Variants in TMEM132D observed in about 807,000 individuals in gnomAD.
TMEM132D encodes the protein mature OL transmembrane protein.
A neutral mutation model predicts 62.3 loss-of-function variants in TMEM132D; 21 were observed. That is an observed-to-expected ratio of 0.34 (90% confidence interval 0.24 to 0.49). TMEM132D has a LOEUF of 0.49. TMEM132D is among the 20% of genes least tolerant of loss of function. The pLI, the probability that TMEM132D is intolerant of heterozygous loss-of-function variation, is 0.99. For synonymous variants in TMEM132D, 621 were observed against 575.6 expected (o/e 1.08, Z -1.13); for missense variants, 1,346 against 1,402.8 (o/e 0.96, Z 0.65).
At chr12:129,623,704 C>CACATATAT (rs1565926894) in intron 2 of TMEM132D, among the ~76,000 whole-genome samples, 8 of 139,732 alleles carry the variant, frequency 5.7e-5, no homozygotes, top group African/African-American at 2.4e-4. Context: ...CATATATATA[C>CACATATAT]ATACATATGC....
chr12:129,627,368 T>A (rs1879249306), intron 2 of TMEM132D, among the ~76,000 whole-genome samples: 1 of 152,184 alleles, frequency 6.6e-6, no homozygotes, highest in African/African-American at 2.4e-5. Context: ...GATGCACAGG[T>A]TTGTAGCCTA....
chr12:129,090,885 G>A (rs2054814), intron 5 of TMEM132D, among the ~76,000 whole-genome samples: 144,745 of 152,090 alleles, frequency 0.95, 68,900 homozygotes, highest in Admixed American at 0.96. Flanking sequence ...TGTCTTTTTG[G>A]CCCCAGAGTT....
At chr12:129,318,920 C>A (rs1024369802) in intron 4 of TMEM132D, among the ~76,000 whole-genome samples, 6 of 152,246 alleles carry the variant, frequency 3.9e-5, no homozygotes, top group Non-Finnish European at 7.4e-5. Context: ...CTGGCAGTCA[C>A]AGGCCTCAGC....
intron 4 of TMEM132D, among the ~76,000 whole-genome samples, chr12:129,226,300 C>T (rs1466887507): frequency 6.6e-6 from 1 of 152,228 alleles, no homozygotes; most frequent in African/African-American, 2.4e-5. Context: ...AAATGCCTGG[C>T]CAGGATCACA....
chr12:129,708,563 A>G (rs908817344), intron 1 of TMEM132D, among the ~76,000 whole-genome samples: 1 of 144,252 alleles, frequency 6.9e-6, no homozygotes, highest in African/African-American at 2.6e-5. Context: ...CACAACCACA[A>G]ATGTCTCCAG....
chr12:129,876,255 G>A (rs555076446), intron 1 of TMEM132D, among the ~76,000 whole-genome samples: 4 of 152,086 alleles, frequency 2.6e-5, no homozygotes, highest in African/African-American at 9.7e-5. Flanking sequence ...ATCTAAACTC[G>A]GGTCTTAGCA....
chr12:129,541,782 G>A (rs1287204680), intron 2 of TMEM132D, among the ~76,000 whole-genome samples: 1 of 152,092 alleles, frequency 6.6e-6, no homozygotes, highest in East Asian at 1.9e-4. Flanking sequence ...AAGCCATGTC[G>A]AGTCCTTAAC....
intron 5 of TMEM132D, among the ~76,000 whole-genome samples, chr12:129,090,062 A>G (rs1874857914): frequency 6.6e-6 from 1 of 152,230 alleles, no homozygotes; most frequent in East Asian, 1.9e-4. Flanking sequence ...ACGATGAGGC[A>G]GTCAATGTAT....
chr12:129,552,370 T>G (rs1237352544), intron 2 of TMEM132D, among the ~76,000 whole-genome samples: 1 of 152,168 alleles, frequency 6.6e-6, no homozygotes, highest in African/African-American at 2.4e-5. Context: ...AACATCTATC[T>G]GTTTATATCC....
chr12:129,464,281 A>T (rs1386113124), intron 3 of TMEM132D, among the ~76,000 whole-genome samples: 1 of 152,120 alleles, frequency 6.6e-6, no homozygotes, highest in Non-Finnish European at 1.5e-5. Flanking sequence ...TTCTTTTGAG[A>T]AGTGTCTGTT....
At chr12:129,386,605 AACACCG>A (rs1211887193) in intron 3 of TMEM132D, among the ~76,000 whole-genome samples, 2 of 151,908 alleles carry the variant, frequency 1.3e-5, no homozygotes, top group African/African-American at 2.4e-5. Context: ...CACTAACACC[AACACCG>A]ACACCACCAA....
intron 5 of TMEM132D, among the ~76,000 whole-genome samples, chr12:129,106,751 G>A (rs1297365861): frequency 6.6e-6 from 1 of 152,162 alleles, no homozygotes; most frequent in African/African-American, 2.4e-5. Context: ...GAGTAGAAGC[G>A]ATGGGTGTCA....
intron 3 of TMEM132D, among the ~76,000 whole-genome samples, chr12:129,365,317 AAAG>A (rs1870370140): frequency 6.6e-6 from 1 of 152,132 alleles, no homozygotes; most frequent in African/African-American, 2.4e-5. Flanking sequence ...GCCTGAGATA[AAAG>A]AAGATGCAGT....
intron 3 of TMEM132D, among the ~76,000 whole-genome samples, chr12:129,521,069 G>A (rs1370435485): frequency 6.6e-6 from 1 of 152,302 alleles, no homozygotes; most frequent in African/African-American, 2.4e-5. Flanking sequence ...CACAGTCCCA[G>A]TTGATGTCTC....
chr12:129,427,486 A>G (rs990005227), intron 3 of TMEM132D, among the ~76,000 whole-genome samples: 2 of 152,092 alleles, frequency 1.3e-5, no homozygotes, highest in African/African-American at 2.4e-5. Context: ...CAGCACACCA[A>G]CTTGGCACAT....
chr12:129,154,280 G>C (rs1429966995), intron 5 of TMEM132D, among the ~76,000 whole-genome samples: 7 of 152,136 alleles, frequency 4.6e-5, no homozygotes, highest in African/African-American at 1.7e-4. Flanking sequence ...ACACAAGAGG[G>C]CTGTGCACTC....
chr12:129,701,499 G>A (rs1416260124), intron 1 of TMEM132D, among the ~76,000 whole-genome samples: 1 of 152,178 alleles, frequency 6.6e-6, no homozygotes, highest in Admixed American at 6.5e-5. Flanking sequence ...AGCACGGGAA[G>A]GGCAGCACCT....
chr12:129,180,024 T>C (rs1399720174), intron 5 of TMEM132D, among the ~76,000 whole-genome samples: 1 of 132,896 alleles, frequency 7.5e-6, no homozygotes, highest in Admixed American at 8.2e-5. Flanking sequence ...CAAGACTCCA[T>C]CTCAAAAAGA....
In TMEM132D at chr12:129,390,388, T is replaced by C. The variant is rs139228712; in HGVS notation, c.1116-52571A>G. ...TGACCACTTCTTGTCTACAATTACCTGGCTGAATGTCCATCCCCTCACCTC... is the reference window on the plus strand; with the variant it reads ...TGACCACTTCTTGTCTACAATTACCCGGCTGAATGTCCATCCCCTCACCTC... On this transcript the variant is annotated intron_variant, in intron 3 of 8. Coordinates refer to ENST00000422113, the MANE Select transcript of TMEM132D (RefSeq NM_133448.3). 2.3e-3 allele frequency among the ~76,000 whole-genome samples: 353 copies of C among 151,934 alleles called. 4 individuals carry two copies. Among genetic ancestry groups the C allele is most frequent in the African/African-American group, 7.9e-3 (325 of 41,380 alleles).
Sources: allele counts gnomAD v4.1 joint callset (sites outside exome capture counted in the v4.1 genomes callset), GRCh38; gene constraint gnomAD v4.1.1; transcripts MANE v1.5; gene names NCBI Gene and HGNC (gene_info 2026-07-23, HGNC 2026-07-21).